The following BAIAP2 variants were observed in gnomAD, a reference collection of about 807,000 sequenced individuals.
BAIAP2 encodes the protein BAR/IMD domain-containing adapter protein 2.
Under a neutral mutation model 63.0 loss-of-function variants are expected in BAIAP2, and 18 were observed. The ratio of observed to expected loss-of-function variants is 0.29; its 90% CI spans 0.20 to 0.42. The LOEUF (loss-of-function observed/expected upper bound fraction) is 0.42. BAIAP2 is among the 10% of genes least tolerant of loss of function. The pLI is 1.00. For synonymous variants in BAIAP2, 386 were observed against 307.6 expected (o/e 1.25, Z -2.67); for missense variants, 610 against 734.3 (o/e 0.83, Z 1.96).
At position 81,104,613 on chromosome 17, in the gene BAIAP2, A is replaced by G; in HGVS notation, c.1166A>G (p.Asp389Gly). 1.2e-6 allele frequency: 2 copies of G among 1,612,188 alleles called. No individual in the cohort carries two copies. The highest frequency in any genetic ancestry group is 1.7e-6 in the Non-Finnish European group (2 of 1,179,754). ...VKAIFSHAAG[D>G]NSTLLSFKEG... ...GCCATCTTCTCCCACGCTGCTGGGGACAACAGCACCCTCCTGAGCTTCAAG... is the reference window on the plus strand; with the variant it reads ...GCCATCTTCTCCCACGCTGCTGGGGGCAACAGCACCCTCCTGAGCTTCAAG... Residue 389 changes from aspartate (D) to glycine (G), a missense_variant, in exon 10 of 14, where the codon GAC becomes GGC. Physicochemically the swap from Asp to Gly is moderately conservative, Grantham distance 94. Transcript: ENST00000428708.
At chr17:81,114,746 C>G (rs921787121) in intron 13 of BAIAP2, among the ~76,000 whole-genome samples, 1 of 152,182 alleles carries the variant, frequency 6.6e-6, no homozygotes, top group African/African-American at 2.4e-5. Context: ...TGGACGGAAC[C>G]CTGCCTGCCC....
intron 13 of BAIAP2, chr17:81,109,396 GAAA>G (rs1568193293): frequency 3.7e-6 from 3 of 807,390 alleles, no homozygotes; most frequent in Non-Finnish European, 2.9e-6. Context: ...AAAAAAAAAA[GAAA>G]AAAAGAAAAA....
chr17:81,036,259 C>T (rs2046248682), intron 1 of BAIAP2, among the ~76,000 whole-genome samples: 1 of 152,226 alleles, frequency 6.6e-6, no homozygotes. Context: ...CTCTGGGTGT[C>T]CCTGGGTCCT....
chr17:81,091,306 A>C (rs1053816562), intron 6 of BAIAP2, among the ~76,000 whole-genome samples: 22 of 151,708 alleles, frequency 1.5e-4, no homozygotes, highest in Middle Eastern at 3.4e-3. Context: ...GTTGCAGGGA[A>C]AGGGCCTGCT....
At position 81,116,009 on chromosome 17, in the gene BAIAP2, C is replaced by T. The variant is rs755172130; in HGVS notation, c.*170C>T. The T allele has an allele frequency of 3.2e-5, 47 of 1,466,650 alleles. No individual in the cohort carries two copies. Among genetic ancestry groups the T allele is most frequent in the African/African-American group, 4.2e-5 (3 of 71,106 alleles). The allele number at this position is 1,466,650 out of a possible 1,614,324, so 90.9% of individuals were successfully genotyped here. ...GGATCCCAGCTGTTCTAGGCAGGGC[C>T]GGGCAGAGTGGGGCGCAGGCCCCTG... On this transcript the variant is annotated 3_prime_UTR_variant, in exon 14 of 14. Transcript: ENST00000428708.
intron 3 of BAIAP2, among the ~76,000 whole-genome samples, chr17:81,060,206 TA>T (rs1056808790): frequency 2.0e-5 from 3 of 152,230 alleles, no homozygotes; most frequent in Non-Finnish European, 4.4e-5. Context: ...GCCATACAGT[TA>T]CCCCATTAGA....
intron 6 of BAIAP2, among the ~76,000 whole-genome samples, chr17:81,095,078 A>G (rs557579368): frequency 4.6e-5 from 7 of 152,344 alleles, no homozygotes; most frequent in African/African-American, 2.4e-5. Context: ...GCCCAGGGTG[A>G]CTAAGTGGGA....
In BAIAP2 at chr17:81,102,207, G is replaced by C. The variant is rs377655845; in HGVS notation, c.643-1295G>C. Among the ~76,000 whole-genome samples, 526 of 152,162 alleles carry C rather than the reference G, an allele frequency of 3.5e-3. 8 individuals carry two copies. The South Asian group carries it at 0.039, about 11-fold the overall frequency. ...CAGGGTGTGAGGGCAGCCTCCCAGG[G>C]CAGTTCGTAGTAGCTCCCTGGTGCT... On this transcript the variant is annotated intron_variant, in intron 7 of 13. Coordinates refer to ENST00000428708, the MANE Select transcript of BAIAP2 (RefSeq NM_001144888.2).
In BAIAP2 at chr17:81,103,663, C is replaced by T. The variant is rs138233728; in HGVS notation, c.804C>T (p.Ser268=). 88 of 1,601,756 alleles carry T rather than the reference C, an allele frequency of 5.5e-5. No individual in the cohort carries two copies. Among genetic ancestry groups the T allele is most frequent in the Non-Finnish European group, 6.9e-5 (81 of 1,175,396 alleles). The change falls in exon 8 of 14, where the codon TCC becomes TCT. Residue 268 remains serine (S), a synonymous_variant. Transcript: ENST00000428708. ...CCTCCAAGTCCAACCTGGTCATTTC[C>T]GACCCCATTCCGGGGGCCAAGCCCC... ...LSASKSNLVI[S]DPIPGAKPLP... is the part of the protein sequence containing the mutation.
intron 13 of BAIAP2, chr17:81,108,791 TG>T: frequency 1.8e-6 from 2 of 1,092,456 alleles, no homozygotes; most frequent in Non-Finnish European, 2.5e-6. Context: ...CATCCATGGC[TG>T]GGGCTGCAGC....
intron 3 of BAIAP2, among the ~76,000 whole-genome samples, chr17:81,059,820 C>A (rs1036200122): frequency 6.6e-6 from 1 of 152,204 alleles, no homozygotes; most frequent in African/African-American, 2.4e-5. Context: ...GGTGTCTTCG[C>A]CCCTTGGTCG....
chr17:81,088,825 C>T (rs1183095157), intron 6 of BAIAP2, among the ~76,000 whole-genome samples: 3 of 152,242 alleles, frequency 2.0e-5, no homozygotes, highest in South Asian at 2.1e-4. Context: ...TGGCTGAGCT[C>T]GCTGGGAGCT....
chr17:81,037,763 G>A (rs577014105), intron 1 of BAIAP2, among the ~76,000 whole-genome samples: 2 of 152,258 alleles, frequency 1.3e-5, no homozygotes, highest in South Asian at 2.1e-4. Flanking sequence ...TCAGCTGTTT[G>A]GTTTGGTTTG....
chr17:81,088,965 G>A (rs909133184), intron 6 of BAIAP2, among the ~76,000 whole-genome samples: 5 of 152,184 alleles, frequency 3.3e-5, no homozygotes, highest in South Asian at 2.1e-4. Context: ...TGGCCCTGCC[G>A]CACCAGCTCC....
At chr17:81,097,714 G>C (rs984766133) in intron 6 of BAIAP2, 2 of 163,246 alleles carry the variant, frequency 1.2e-5, no homozygotes, top group African/African-American at 4.8e-5. Flanking sequence ...GGCACAGGAG[G>C]AGAGGCGAGA....
intron 2 of BAIAP2, chr17:81,057,585 C>T: frequency 9.1e-7 from 1 of 1,103,988 alleles, no homozygotes; most frequent in Non-Finnish European, 1.1e-6. Context: ...CCGGCCCTGC[C>T]TGGTAGCACG....
intron 3 of BAIAP2, among the ~76,000 whole-genome samples, chr17:81,067,963 G>A (rs944404701): frequency 1.3e-5 from 2 of 152,216 alleles, no homozygotes; most frequent in African/African-American, 4.8e-5. Flanking sequence ...TGAGGTGCTG[G>A]CTGCCTCCGA....
At position 81,085,258 on chromosome 17, in the gene BAIAP2, C is replaced by T. The variant is rs541532478; in HGVS notation, c.279+365C>T. ...AGGCAGACCCCACACAACCAGAGCA[C>T]GTTGCTGGCGGCTGGTTTGCAGCAT... On this transcript the variant is annotated intron_variant, in intron 4 of 13. Coordinates refer to ENST00000428708, the MANE Select transcript of BAIAP2 (RefSeq NM_001144888.2). 1.1e-4 allele frequency: 56 copies of T among 494,902 alleles called. 1 individual carries two copies. The highest frequency in any genetic ancestry group is 1.1e-3 in the South Asian group (51 of 47,956). The allele number at this position is 494,902 out of a possible 1,614,324, so 30.7% of individuals were successfully genotyped here. A position where few individuals can be genotyped will look rare whatever the true frequency, so the allele number is the denominator to read the frequency against.
At chr17:81,060,997 G>T (rs186199671) in intron 3 of BAIAP2, among the ~76,000 whole-genome samples, 1 of 152,266 alleles carries the variant, frequency 6.6e-6, no homozygotes, top group South Asian at 2.1e-4. Context: ...GGTGGCATGC[G>T]CCTGTAATCC....
Sources: gnomAD v4.1 joint callset for allele counts (sites outside exome capture counted in the v4.1 genomes callset) on GRCh38, gnomAD v4.1.1 for gene constraint, MANE v1.5 for transcripts, NCBI Gene and HGNC (gene_info 2026-07-23, HGNC 2026-07-21) for gene names.